Variants in ZNF395 observed in about 807,000 individuals in gnomAD.
ZNF395 encodes the protein zinc finger protein 395, also known as HD gene regulatory region-binding protein 2.
In ZNF395, 20 loss-of-function variants were observed where a neutral mutation model predicts 57.7. The observed-to-expected ratio is 0.35, with a 90% CI of 0.24 to 0.50. ZNF395 has a LOEUF of 0.50. ZNF395 is among the 20% of genes least tolerant of loss of function. ZNF395 has a pLI of 0.97. For missense variants in ZNF395, 606 were observed against 671.2 expected, an observed-to-expected ratio of 0.90 and a Z score of 1.07; for synonymous variants, 295 against 275.9, an observed-to-expected ratio of 1.07 and a Z score of -0.69.
rs141601441 is a variant in ZNF395 at position 28,356,692 on chromosome 8, G to C, written c.561C>G (p.Pro187=). Residue 187 remains proline (P), a synonymous_variant, in exon 4 of 10, where the codon CCC becomes CCG. Coordinates refer to ENST00000344423, the MANE Select transcript of ZNF395 (RefSeq NM_018660.3). The surrounding 1 kb of genome is among the most constrained non-coding windows in gnomAD (Gnocchi z 4.0). ...LSCSPVVQSP[P]GTEANFSASR... ...CACCAGAGAAGTTGGCCTCGGTCCCGGGAGGACTCTGTACAACAGGGCTGC... is the reference window on the plus strand; with the variant it reads ...CACCAGAGAAGTTGGCCTCGGTCCCCGGAGGACTCTGTACAACAGGGCTGC... 9.3e-6 allele frequency: 15 copies of C among 1,614,006 alleles called. No homozygotes were observed. Among genetic ancestry groups the C allele is most frequent in the Admixed American group, 3.3e-5 (2 of 60,000 alleles).
Position 28,353,782 on chromosome 8 carries a change from T to C in ZNF395, c.584-374A>G, listed in dbSNP as rs138126338. Among the ~76,000 whole-genome samples, 31 of 151,638 alleles carry C rather than the reference T, an allele frequency of 2.0e-4. No individual in the cohort carries two copies. The East Asian group carries it at 3.3e-3, about 16-fold the overall frequency. On this transcript the variant is annotated intron_variant, in intron 4 of 9. Transcript: ENST00000344423. ...GCTGCCTGTTTCTCACTTTATACAT[T>C]AAATAAAGGGGGGATGGGGAGGGGG... is the stretch of plus-strand genomic sequence containing the variant.
chr8:28,367,772 C>T (rs1003132279), intron 1 of ZNF395, among the ~76,000 whole-genome samples: 5 of 152,156 alleles, frequency 3.3e-5, no homozygotes, highest in African/African-American at 1.2e-4. Context: ...ACTGCAGCCT[C>T]CTTAGACTGA....
chr8:28,362,425 G>A (rs779506330), intron 1 of ZNF395, among the ~76,000 whole-genome samples: 1 of 152,226 alleles, frequency 6.6e-6, no homozygotes, highest in Non-Finnish European at 1.5e-5. Context: ...CTTATTATGT[G>A]CAAAGCACAT....
intron 6 of ZNF395, 103 bp from the exon 7 acceptor site, chr8:28,351,910 A>G (rs1801718406): frequency 6.5e-6 from 9 of 1,388,834 alleles, no homozygotes; most frequent in Non-Finnish European, 8.7e-6. Flanking sequence ...GCCACCCAGC[A>G]AGCCAGGGAC....
At chr8:28,361,350 T>A (rs1314295587) in intron 1 of ZNF395, among the ~76,000 whole-genome samples, 168 bp from the exon 2 acceptor site, 1 of 152,214 alleles carries the variant, frequency 6.6e-6, no homozygotes, top group East Asian at 1.9e-4. Context: ...CTGAGGAATC[T>A]GCCTCCCAGG....
rs971653110 is a variant in ZNF395 at position 28,350,684 on chromosome 8, A to T, written c.1234-528T>A. On this transcript the variant is annotated intron_variant, in intron 7 of 9. Transcript: ENST00000344423. ...CCAAACATGAAATCGCTAAGCGGCC[A>T]CTCATTCTAACAAGGAGGAGGGCTG... Among the ~76,000 whole-genome samples, 4 of 152,312 alleles carry T rather than the reference A, an allele frequency of 2.6e-5. No homozygotes were observed. The South Asian group carries it at 8.3e-4, about 32-fold the overall frequency.
intron 1 of ZNF395, among the ~76,000 whole-genome samples, chr8:28,380,051 A>G (rs970366055): frequency 4.6e-5 from 7 of 152,134 alleles, no homozygotes; most frequent in Non-Finnish European, 1.0e-4. Flanking sequence ...ATTATTTTTC[A>G]TGACTTCATA....
rs1488364580 is a variant in ZNF395, at chr8:28,359,285, C to T, written c.473+307G>A. Among the ~76,000 whole-genome samples the T allele has an allele frequency of 6.6e-6, 1 of 152,114 alleles. No individual in the cohort carries two copies. Among genetic ancestry groups the T allele is most frequent in the Non-Finnish European group, 1.5e-5 (1 of 68,028 alleles). ...GGCGTGGTGGTGCACGCCTGTAATC[C>T]CAGTTACTCGGGAGGCTGAAGTGGA... is the stretch of plus-strand genomic sequence containing the variant. On this transcript the variant is annotated intron_variant, in intron 3 of 9. Coordinates refer to ENST00000344423, the MANE Select transcript of ZNF395 (RefSeq NM_018660.3). This position sits in a 1 kb window ranked among gnomAD's most constrained non-coding sequence, Gnocchi z 4.7.
At chr8:28,374,271 G>C (rs1802011370) in intron 1 of ZNF395, among the ~76,000 whole-genome samples, 1 of 152,164 alleles carries the variant, frequency 6.6e-6, no homozygotes, top group Admixed American at 6.5e-5. Context: ...TTAACTTTTT[G>C]TAAGTCCTAT....
At chr8:28,380,325 C>T (rs555471724) in intron 1 of ZNF395, among the ~76,000 whole-genome samples, 1 of 152,336 alleles carries the variant, frequency 6.6e-6, no homozygotes, top group African/African-American at 2.4e-5. Flanking sequence ...TCATCCCTTA[C>T]TGAATTTTTT....
Position 28,356,743 on chromosome 8 carries a change from C to T in ZNF395, c.510G>A (p.Ala170=), listed in dbSNP as rs1801785572. 3 of 1,614,052 alleles carry T rather than the reference C, an allele frequency of 1.9e-6. No individual in the cohort carries two copies. Among genetic ancestry groups the T allele is most frequent in the African/African-American group, 2.7e-5 (2 of 74,916 alleles). ...AGGACAGGGACGTCAGCACCATGGC[C>T]GCCATCATCTCATCCATTTCCACTG... is the stretch of plus-strand genomic sequence containing the variant. ...SDAVEMDEMM[A]AMVLTSLSCS... is the part of the protein sequence containing the mutation. Residue 170 remains alanine (A), a synonymous_variant, in exon 4 of 10, where the codon GCG becomes GCA. Coordinates refer to ENST00000344423, the MANE Select transcript of ZNF395 (RefSeq NM_018660.3). This position sits in a 1 kb window ranked among gnomAD's most constrained non-coding sequence, Gnocchi z 4.0.
At chr8:28,386,019 G>A (rs1802175263) in intron 1 of ZNF395, 1 of 147,238 alleles carries the variant, frequency 6.8e-6, no homozygotes, top group Non-Finnish European at 1.5e-5. Flanking sequence ...CCCGCCACGA[G>A]CGGCAGCACG....
chr8:28,381,706 C>A (rs553131438), intron 1 of ZNF395, among the ~76,000 whole-genome samples: 44 of 152,190 alleles, frequency 2.9e-4, no homozygotes, highest in African/African-American at 9.9e-4. Flanking sequence ...GAGAATTGTA[C>A]GTCATATGGC....
chr8:28,363,773 G>A (rs78201488), intron 1 of ZNF395, among the ~76,000 whole-genome samples: 5,960 of 152,164 alleles, frequency 0.039, 338 homozygotes, highest in African/African-American at 0.12. Flanking sequence ...GAAATGTTTG[G>A]CCAACAAACT....
chr8:28,373,709 T>C (rs956021476), intron 1 of ZNF395, among the ~76,000 whole-genome samples: 26 of 152,100 alleles, frequency 1.7e-4, no homozygotes, highest in Non-Finnish European at 3.5e-4. Context: ...CCAGGTAGAA[T>C]TAACTAGGAG....
chr8:28,375,874 G>C (rs892714142), intron 1 of ZNF395, among the ~76,000 whole-genome samples: 1 of 152,146 alleles, frequency 6.6e-6, no homozygotes, highest in African/African-American at 2.4e-5. Flanking sequence ...CAATTCCTCC[G>C]GCACTTTGAC....
chr8:28,354,424 C>A (rs1801755461), intron 4 of ZNF395, among the ~76,000 whole-genome samples: 2 of 152,192 alleles, frequency 1.3e-5, no homozygotes, highest in Admixed American at 1.3e-4. Flanking sequence ...TTCCACAGAG[C>A]CCCCTAACCC....
intron 1 of ZNF395, among the ~76,000 whole-genome samples, chr8:28,380,042 T>C (rs79149466): frequency 0.02 from 3,114 of 152,310 alleles, 110 homozygotes; most frequent in African/African-American, 0.07. Flanking sequence ...TTCCTAAACA[T>C]TATTTTTCAT....
chr8:28,359,660 T>C lies in ZNF395; in HGVS notation c.405A>G (p.Pro135=), dbSNP rs1207945541. ...GGGCCTGGGCTCCGGGCTCCAGGGGTGGTGCCTGGGGACAGGGGCCCTGCA... is the reference window on the plus strand; with the variant it reads ...GGGCCTGGGCTCCGGGCTCCAGGGGCGGTGCCTGGGGACAGGGGCCCTGCA... ...AELQGPCPQA[P]PLEPGAQALA... Residue 135 remains proline (P), a synonymous_variant, in exon 3 of 10, where the codon CCA becomes CCG. Coordinates refer to ENST00000344423, the MANE Select transcript of ZNF395 (RefSeq NM_018660.3). This position sits in a 1 kb window ranked among gnomAD's most constrained non-coding sequence, Gnocchi z 4.7. 1 of 1,613,590 alleles carries C rather than the reference T, an allele frequency of 6.2e-7. No homozygotes were observed.
Sources: gnomAD v4.1 joint callset for allele counts (sites outside exome capture counted in the v4.1 genomes callset) on GRCh38, gnomAD v4.1.1 for gene constraint, Gnocchi (gnomAD v3.1) non-coding constraint, MANE v1.5 for transcripts, NCBI Gene and HGNC (gene_info 2026-07-23, HGNC 2026-07-21) for gene names.